Variants in CD247 observed in about 807,000 individuals in gnomAD.
The protein encoded by CD247 is T-cell surface glycoprotein CD3 zeta chain.
Under a neutral mutation model 30.0 loss-of-function variants are expected in CD247, and 13 were observed. That is an observed-to-expected ratio of 0.43 (90% CI 0.28 to 0.69). CD247 has a LOEUF of 0.69. Ranked by LOEUF, CD247 falls within the 30% of genes least tolerant of loss-of-function variation. CD247 has a pLI of 0.16. For missense variants in CD247, 193 were observed against 212.6 expected (o/e 0.91, Z 0.57); for synonymous variants, 72 against 80.0 (o/e 0.90, Z 0.53).
At chr1:167,478,391 T>C (rs960188908) in intron 1 of CD247, among the ~76,000 whole-genome samples, 3 of 152,250 alleles carry the variant, frequency 2.0e-5, no homozygotes, top group African/African-American at 7.2e-5. Flanking sequence ...ATAAGAATGT[T>C]AAGCTTAGAA....
Position 167,438,801 on chromosome 1 carries a change from G to T in CD247, c.220-151C>A, listed in dbSNP as rs34925629. ...GGGGATGGTAACTGGTCCATCTGGA[G>T]ACCATCATCCCAGAGGACATCTCAG... On this transcript the variant is annotated intron_variant, in intron 3 of 7. Transcript: ENST00000362089. 159 of 723,042 alleles carry T rather than the reference G, an allele frequency of 2.2e-4. No homozygotes were observed. In the African/African-American group the frequency reaches 2.7e-3, roughly 12 times the overall value. 44.8% of individuals were successfully genotyped at this position (723,042 alleles called of 1,614,324 possible).
At chr1:167,433,983 G>A in intron 6 of CD247, 37 bp downstream of exon 6, 5 of 1,582,210 alleles carry the variant, frequency 3.2e-6, no homozygotes, top group Non-Finnish European at 4.3e-6. Context: ...AGGACCAAGA[G>A]GAACTCCCTC....
intron 1 of CD247, among the ~76,000 whole-genome samples, chr1:167,489,748 C>T (rs1480972180): frequency 6.6e-6 from 1 of 152,234 alleles, no homozygotes; most frequent in African/African-American, 2.4e-5. Context: ...CTTTGTTAGA[C>T]AAAAGCCCAG....
At chr1:167,452,327 T>C (rs947950483) in intron 1 of CD247, among the ~76,000 whole-genome samples, 21 of 150,156 alleles carry the variant, frequency 1.4e-4, no homozygotes, top group Non-Finnish European at 2.2e-4. Flanking sequence ...GGCAGGAGAA[T>C]CCCTTGAACC....
At chr1:167,467,645 C>T (rs12132416) in intron 1 of CD247, among the ~76,000 whole-genome samples, 7,873 of 152,200 alleles carry the variant, frequency 0.052, 305 homozygotes, top group East Asian at 0.2. Context: ...GGCTTTCAGT[C>T]ATCATTTTGG....
In CD247 at chr1:167,443,363, C is replaced by A. The variant is rs1651928794; in HGVS notation, c.59-2596G>T. Among the ~76,000 whole-genome samples, 5 of 152,206 alleles carry A rather than the reference C, an allele frequency of 3.3e-5. No homozygotes were observed. The South Asian group carries it at 1.0e-3, about 31-fold the overall frequency. ...GATGCTGGGCCCAGCCCCAGGTGTG[C>A]CTGCCCTCTGGCCCCAAGGTATTGC... On this transcript the variant is annotated intron_variant, in intron 1 of 7. Coordinates refer to ENST00000362089, the MANE Select transcript of CD247 (RefSeq NM_198053.3).
intron 5 of CD247, chr1:167,434,554 G>A (rs1017298129): frequency 3.4e-5 from 12 of 355,978 alleles, no homozygotes; most frequent in African/African-American, 2.4e-4. Flanking sequence ...AACCCAGATC[G>A]ACAATCAGGG....
intron 1 of CD247, among the ~76,000 whole-genome samples, chr1:167,500,138 C>T (rs571352588): frequency 1.5e-3 from 225 of 152,326 alleles, no homozygotes; most frequent in African/African-American, 5.0e-3. Flanking sequence ...CTGAACCCAA[C>T]TTATTTTACT....
chr1:167,473,450 G>A lies in CD247; in HGVS notation c.59-32683C>T, dbSNP rs114031572. 1.0e-2 allele frequency among the ~76,000 whole-genome samples: 1,519 copies of A among 152,218 alleles called. 22 individuals are homozygous for A. Among genetic ancestry groups the A allele is most frequent in the African/African-American group, 0.035 (1,462 of 41,506 alleles). On this transcript the variant is annotated intron_variant, in intron 1 of 7. Transcript: ENST00000362089. Reference sequence around the variant, plus strand: ...CTACTAGGAGAAATGTCATTTAGCCGCGCTCACAGCCAGTGATTCACAGAG... The same window carrying A: ...CTACTAGGAGAAATGTCATTTAGCCACGCTCACAGCCAGTGATTCACAGAG...
intron 1 of CD247, among the ~76,000 whole-genome samples, chr1:167,509,369 C>CAAAAAAAAAA (rs35004744): frequency 1.8e-3 from 113 of 63,156 alleles, no homozygotes; most frequent in East Asian, 2.2e-3. Context: ...AACTCTGTCT[C>CAAAAAAAAAA]AAAAAAAAAA....
chr1:167,438,203 T>A (rs1242309269), intron 4 of CD247, among the ~76,000 whole-genome samples: 1 of 152,116 alleles, frequency 6.6e-6, no homozygotes, highest in Non-Finnish European at 1.5e-5. Flanking sequence ...CATATGTGGG[T>A]TATCCAGGGG....
At chr1:167,477,805 A>C (rs757862856) in intron 1 of CD247, among the ~76,000 whole-genome samples, 13 of 152,340 alleles carry the variant, frequency 8.5e-5, no homozygotes, top group Admixed American at 3.9e-4. Flanking sequence ...CTGAGATGAC[A>C]GGTGTGAGCC....
chr1:167,517,214 C>T (rs1037877778), intron 1 of CD247, among the ~76,000 whole-genome samples: 2 of 152,344 alleles, frequency 1.3e-5, no homozygotes, highest in East Asian at 1.9e-4. Flanking sequence ...TGCAGCTGCA[C>T]GGGCCTCAGA....
chr1:167,479,510 A>G (rs776936253), intron 1 of CD247, among the ~76,000 whole-genome samples: 1 of 152,196 alleles, frequency 6.6e-6, no homozygotes, highest in Non-Finnish European at 1.5e-5. Context: ...CATCTGCCAC[A>G]CACTACGGCC....
At chr1:167,440,356 T>C in intron 2 of CD247, 1 of 434,582 alleles carries the variant, frequency 2.3e-6, no homozygotes, top group Non-Finnish European at 4.3e-6. Flanking sequence ...GACCTCTGCC[T>C]GAGTGTAAGC....
intron 1 of CD247, among the ~76,000 whole-genome samples, chr1:167,443,350 A>G (rs1228680520): frequency 6.6e-6 from 1 of 152,212 alleles, no homozygotes; most frequent in East Asian, 1.9e-4. Flanking sequence ...TGCTGGGCCC[A>G]GCCCCAGGTG....
intron 1 of CD247, among the ~76,000 whole-genome samples, chr1:167,463,235 C>T (rs765898670): frequency 1.3e-5 from 2 of 152,160 alleles, no homozygotes; most frequent in Non-Finnish European, 2.9e-5. Flanking sequence ...TGCAATGTGA[C>T]CTATGGCCTG....
At chr1:167,432,376 G>T (rs112205211) in intron 7 of CD247, among the ~76,000 whole-genome samples, 6 of 152,314 alleles carry the variant, frequency 3.9e-5, no homozygotes, top group African/African-American at 1.4e-4. Context: ...AGTTTCTGGG[G>T]CCCTTTTGAT....
chr1:167,483,015 T>TCTTTCTTTC (rs201265842), intron 1 of CD247, among the ~76,000 whole-genome samples: 61 of 139,602 alleles, frequency 4.4e-4, no homozygotes, highest in Admixed American at 1.2e-3. Flanking sequence ...TTTCTTTCTT[T>TCTTTCTTTC]TTTTTTTTTT....
Sources: gnomAD v4.1 joint callset for allele counts (sites outside exome capture counted in the v4.1 genomes callset) on GRCh38, gnomAD v4.1.1 for gene constraint, MANE v1.5 for transcripts, NCBI Gene and HGNC (gene_info 2026-07-23, HGNC 2026-07-21) for gene names.